SGMS1: variants seen among roughly 807,000 people sequenced by gnomAD.
The protein encoded by SGMS1 is sphingomyelin synthase 1, also known as phosphatidylcholine:ceramide cholinephosphotransferase 1.
Under a neutral mutation model 46.2 loss-of-function variants are expected in SGMS1, and 13 were observed. The ratio of observed to expected loss-of-function variants is 0.28; its 90% CI spans 0.18 to 0.45. The LOEUF is 0.45. SGMS1 is among the 20% of genes least tolerant of loss of function. The pLI, the probability that SGMS1 is intolerant of heterozygous loss-of-function variation, is 1.00. For synonymous variants in SGMS1, 203 were observed against 187.8 expected (o/e 1.08, Z -0.66); for missense variants, 324 against 519.9 (o/e 0.62, Z 3.66).
chr10:50,623,131 G>A (rs373195205), intron 1 of SGMS1, among the ~76,000 whole-genome samples: 4 of 152,026 alleles, frequency 2.6e-5, no homozygotes, highest in African/African-American at 7.2e-5. Flanking sequence ...GGGGAGGGGG[G>A]GTCCCACCTG....
intron 3 of SGMS1, among the ~76,000 whole-genome samples, chr10:50,507,492 G>A (rs941663676): frequency 3.9e-5 from 6 of 152,144 alleles, no homozygotes; most frequent in African/African-American, 1.4e-4. Flanking sequence ...AAACACTCTG[G>A]AGGGGCAGAA....
chr10:50,466,620 A>T (rs1168297239), intron 4 of SGMS1, among the ~76,000 whole-genome samples: 1 of 152,204 alleles, frequency 6.6e-6, no homozygotes, highest in Non-Finnish European at 1.5e-5. Context: ...TCAGATATGT[A>T]TGTAAAGAGT....
chr10:50,327,829 C>T (rs1847554681), intron 7 of SGMS1, among the ~76,000 whole-genome samples: 1 of 152,162 alleles, frequency 6.6e-6, no homozygotes, highest in Non-Finnish European at 1.5e-5. Flanking sequence ...CAACATGATG[C>T]CAAGAACGAA....
At chr10:50,552,343 A>T (rs1045884876) in intron 2 of SGMS1, among the ~76,000 whole-genome samples, 1 of 152,206 alleles carries the variant, frequency 6.6e-6, no homozygotes, top group Non-Finnish European at 1.5e-5. Context: ...CATGCTTCCT[A>T]AGGCATCTTC....
chr10:50,467,017 A>G (rs764388267), intron 3 of SGMS1, 85 bp from the exon 4 acceptor site: 2 of 152,078 alleles, frequency 1.3e-5, no homozygotes, highest in African/African-American at 4.8e-5. Context: ...CAAGTTAACT[A>G]TTATTCACTT....
intron 7 of SGMS1, chr10:50,340,387 C>A (rs1053454962): frequency 2.6e-5 from 4 of 152,182 alleles, no homozygotes; most frequent in African/African-American, 9.7e-5. Flanking sequence ...CAAGGGATAC[C>A]TGTTTTGCAG....
At chr10:50,315,294 T>C (rs1177204438) in intron 8 of SGMS1, among the ~76,000 whole-genome samples, 2 of 152,202 alleles carry the variant, frequency 1.3e-5, no homozygotes, top group African/African-American at 2.4e-5. Flanking sequence ...ACATATTAAA[T>C]GTTAACAGGG....
chr10:50,479,193 T>G (rs1294065539), intron 3 of SGMS1, among the ~76,000 whole-genome samples: 1 of 152,002 alleles, frequency 6.6e-6, no homozygotes, highest in Non-Finnish European at 1.5e-5. Flanking sequence ...CTAGTGAAAC[T>G]GATTCACTTA....
At chr10:50,580,426 C>CCG (rs1554793902) in intron 2 of SGMS1, among the ~76,000 whole-genome samples, 18 of 150,688 alleles carry the variant, frequency 1.2e-4, no homozygotes, top group Admixed American at 1.1e-3. Context: ...AGTTAGGGAC[C>CCG]CCCCCCCAAA....
chr10:50,339,629 C>T (rs139820990), intron 7 of SGMS1, among the ~76,000 whole-genome samples: 1,757 of 152,290 alleles, frequency 0.012, 22 homozygotes, highest in Non-Finnish European at 0.018. Flanking sequence ...CAGGGTCTAT[C>T]GGTGCCTGAA....
chr10:50,434,363 C>G (rs986138833), intron 5 of SGMS1, among the ~76,000 whole-genome samples: 1 of 152,098 alleles, frequency 6.6e-6, no homozygotes, highest in Non-Finnish European at 1.5e-5. Flanking sequence ...ACGTGTGGCT[C>G]CAAGAAGACA....
At position 50,374,815 on chromosome 10, in the gene SGMS1, T is replaced by C. The variant is rs1458024529; in HGVS notation, c.-231-30470A>G. Among the ~76,000 whole-genome samples the C allele has an allele frequency of 3.3e-5, 5 of 152,292 alleles. No homozygotes were observed. In the East Asian group the frequency reaches 7.7e-4, roughly 24 times the overall value. On this transcript the variant is annotated intron_variant, in intron 6 of 10. Coordinates refer to ENST00000361781, the MANE Select transcript of SGMS1 (RefSeq NM_147156.4). ...GAGTCTTTGCACTTGAGGGCCCTTC[T>C]TCTGGAATATTCTTCCCCAGATATC...
intron 8 of SGMS1, among the ~76,000 whole-genome samples, chr10:50,322,633 C>T (rs924251034): frequency 6.6e-6 from 1 of 151,084 alleles, no homozygotes; most frequent in African/African-American, 2.4e-5. Flanking sequence ...GAGATCGAGA[C>T]CATCCTGGCT....
intron 6 of SGMS1, among the ~76,000 whole-genome samples, chr10:50,384,129 A>G (rs935428632): frequency 2.6e-5 from 4 of 152,146 alleles, no homozygotes; most frequent in Admixed American, 1.3e-4. Flanking sequence ...ACAAATTTCA[A>G]TTGTTTATAC....
At chr10:50,548,099 G>A (rs1564429119) in intron 2 of SGMS1, among the ~76,000 whole-genome samples, 1 of 152,140 alleles carries the variant, frequency 6.6e-6, no homozygotes, top group Non-Finnish European at 1.5e-5. Flanking sequence ...AAAGCTGGAA[G>A]CATTCCTCTT....
chr10:50,410,038 G>C (rs1257401157), intron 6 of SGMS1, among the ~76,000 whole-genome samples: 2 of 152,120 alleles, frequency 1.3e-5, no homozygotes, highest in Non-Finnish European at 2.9e-5. Context: ...ATTTAAATGA[G>C]AATTATAGGA....
At chr10:50,329,125 CTGAT>C (rs1318423158) in intron 7 of SGMS1, among the ~76,000 whole-genome samples, 1 of 152,096 alleles carries the variant, frequency 6.6e-6, no homozygotes, top group African/African-American at 2.4e-5. Context: ...ATCACTTTGC[CTGAT>C]TATTTTATGA....
chr10:50,581,161 G>A (rs1290140240), intron 2 of SGMS1, among the ~76,000 whole-genome samples: 2 of 152,194 alleles, frequency 1.3e-5, no homozygotes, highest in African/African-American at 2.4e-5. Flanking sequence ...CCCAGACCAA[G>A]TAAATAAGTA....
intron 8 of SGMS1, among the ~76,000 whole-genome samples, chr10:50,324,348 CTG>C (rs1442041459): frequency 6.6e-6 from 1 of 152,154 alleles, no homozygotes; most frequent in African/African-American, 2.4e-5. Context: ...AGTTCCCTCT[CTG>C]TACAATGGTT....
Sources: gnomAD v4.1 joint callset for allele counts (sites outside exome capture counted in the v4.1 genomes callset) on GRCh38, gnomAD v4.1.1 for gene constraint, MANE v1.5 for transcripts, NCBI Gene and HGNC (gene_info 2026-07-23, HGNC 2026-07-21) for gene names.